The following FRMPD2 variants were observed in gnomAD, a reference collection of about 807,000 sequenced individuals.
FRMPD2 encodes the protein FERM and PDZ domain containing 2, also known as FERM and PDZ domain-containing protein 2.
Under a neutral mutation model 140.1 loss-of-function variants are expected in FRMPD2, and 96 were observed. The ratio of observed to expected loss-of-function variants is 0.69; its 90% CI spans 0.58 to 0.81. The LOEUF is 0.81. Among genes scored for constraint, FRMPD2 ranks in the 40% least tolerant of loss-of-function variants. The pLI is 0.00. For missense variants in FRMPD2, 1,240 were observed against 1,447.4 expected (o/e 0.86, Z 2.32); for synonymous variants, 449 against 547.6 (o/e 0.82, Z 2.52).
chr10:48,215,919 T>C (rs181384587), intron 12 of FRMPD2, among the ~76,000 whole-genome samples: 12 of 152,342 alleles, frequency 7.9e-5, no homozygotes, highest in Admixed American at 6.5e-4. Flanking sequence ...TTTTTGGACA[T>C]GACTGACAGT....
chr10:48,222,560 A>G, intron 11 of FRMPD2, 109 bp from the exon 12 acceptor site: 1 of 1,128,534 alleles, frequency 8.9e-7, no homozygotes, highest in Non-Finnish European at 1.3e-6. Context: ...GGAAGACGAG[A>G]TGCAACTCAA....
At chr10:48,274,709 GCAC>G, upstream of FRMPD2, 1 of 734,112 alleles carries the variant, frequency 1.4e-6, no homozygotes, top group Non-Finnish European at 2.4e-6. Context: ...TTGTCACTAA[GCAC>G]TTGCTGCCCA....
At chr10:48,271,885 G>A (rs946403975) in intron 1 of FRMPD2, among the ~76,000 whole-genome samples, 1 of 152,158 alleles carries the variant, frequency 6.6e-6, no homozygotes, top group Admixed American at 6.5e-5. Context: ...CTCTTTACTC[G>A]TTTATACCAT....
At chr10:48,236,023 C>G (rs1839958288) in intron 9 of FRMPD2, among the ~76,000 whole-genome samples, 1 of 152,224 alleles carries the variant, frequency 6.6e-6, no homozygotes, top group South Asian at 2.1e-4. Context: ...ACCTGCCATG[C>G]TCCATCCTCC....
chr10:48,251,534 T>G (rs1230220668), intron 2 of FRMPD2, 32 bp downstream of exon 2: 1 of 1,610,866 alleles, frequency 6.2e-7, no homozygotes, highest in Admixed American at 1.7e-5. Flanking sequence ...TACAACTCCC[T>G]GTGATTTGAC....
At chr10:48,198,591 GT>G (rs1047335531) in intron 15 of FRMPD2, among the ~76,000 whole-genome samples, 3 of 151,316 alleles carry the variant, frequency 2.0e-5, no homozygotes, top group Non-Finnish European at 2.9e-5. Flanking sequence ...TTTTAGAATA[GT>G]TTTTTTTTCT....
intron 10 of FRMPD2, among the ~76,000 whole-genome samples, chr10:48,227,269 CA>C (rs1450052339): frequency 6.6e-6 from 1 of 152,160 alleles, no homozygotes; most frequent in Non-Finnish European, 1.5e-5. Flanking sequence ...TGATTTACCA[CA>C]AGGATAAAAG....
At chr10:48,176,676 G>C (rs1554792215) in intron 22 of FRMPD2, among the ~76,000 whole-genome samples, 7 of 150,862 alleles carry the variant, frequency 4.6e-5, no homozygotes, top group African/African-American at 1.5e-4. Flanking sequence ...ATATATTTGT[G>C]AATAACCCAA....
chr10:48,218,300 T>G (rs948664504), intron 12 of FRMPD2, among the ~76,000 whole-genome samples: 5 of 152,236 alleles, frequency 3.3e-5, no homozygotes, highest in African/African-American at 1.2e-4. Context: ...AGACTCAGCC[T>G]ATAACATAAG....
intron 12 of FRMPD2, among the ~76,000 whole-genome samples, chr10:48,216,860 T>C (rs1307277173): frequency 6.6e-6 from 1 of 152,134 alleles, no homozygotes; most frequent in South Asian, 2.1e-4. Flanking sequence ...TAGAGCACCC[T>C]CCTCCCAGGA....
chr10:48,222,172 G>A (rs943675209), intron 12 of FRMPD2, 141 bp downstream of exon 12: 2 of 670,434 alleles, frequency 3.0e-6, no homozygotes, highest in Non-Finnish European at 4.9e-6. Context: ...ATGGATGGAT[G>A]GATAAATGTA....
intron 9 of FRMPD2, 121 bp downstream of exon 9, chr10:48,236,361 G>T: frequency 1.2e-6 from 1 of 812,672 alleles, no homozygotes; most frequent in Admixed American, 1.8e-5. Flanking sequence ...AGAGGTCTGG[G>T]GGAAACTGAA....
At chr10:48,188,345 TG>T (rs1362010751) in intron 16 of FRMPD2, among the ~76,000 whole-genome samples, 1 of 151,644 alleles carries the variant, frequency 6.6e-6, no homozygotes, top group Non-Finnish European at 1.5e-5. Flanking sequence ...ACAGGGGCGG[TG>T]GGGGGAGGAG....
chr10:48,239,710 T>A lies in FRMPD2; in HGVS notation c.701-18A>T. 1 of 1,599,706 alleles carries A rather than the reference T, an allele frequency of 6.3e-7. No individual in the cohort carries two copies. The highest frequency in any genetic ancestry group is 8.6e-7 in the Non-Finnish European group (1 of 1,167,472). On this transcript the variant is annotated intron_variant, in intron 6 of 28. Coordinates refer to ENST00000374201, the MANE Select transcript of FRMPD2 (RefSeq NM_001018071.4). ...TTCTGAAACTAATCAAGCAGCATGGTAGAGGGTATGGGCAGAAGCCAAGAT... is the reference window on the plus strand; with the variant it reads ...TTCTGAAACTAATCAAGCAGCATGGAAGAGGGTATGGGCAGAAGCCAAGAT...
Position 48,198,630 on chromosome 10 carries a change from T to G in FRMPD2, c.1954+2598A>C, listed in dbSNP as rs946586036. 2.0e-5 allele frequency among the ~76,000 whole-genome samples: 3 copies of G among 152,350 alleles called. 1 individual carries two copies. Among genetic ancestry groups the G allele is most frequent in the Non-Finnish European group, 2.9e-5 (2 of 68,042 alleles). ...TTCTGTGAAGAATGACATTGGTAGTTTGATAGGAATAGCATTGAATCTGTA... is the reference window on the plus strand; with the variant it reads ...TTCTGTGAAGAATGACATTGGTAGTGTGATAGGAATAGCATTGAATCTGTA... On this transcript the variant is annotated intron_variant, in intron 15 of 28. Transcript: ENST00000374201.
At chr10:48,174,787 C>T (rs561680035) in intron 24 of FRMPD2, 83 bp downstream of exon 24, 9,429 of 907,054 alleles carry the variant, frequency 0.01, 85 homozygotes, top group Non-Finnish European at 0.014. Flanking sequence ...TGCCTCCCTC[C>T]CACCCAGAGG....
intron 13 of FRMPD2, 84 bp downstream of exon 13, chr10:48,211,870 G>T: frequency 1.5e-6 from 2 of 1,362,042 alleles, no homozygotes; most frequent in Non-Finnish European, 2.0e-6. Context: ...CACACACCTG[G>T]GCCCCTTGAG....
At chr10:48,259,276 A>C (rs944734621) in intron 1 of FRMPD2, among the ~76,000 whole-genome samples, 1 of 152,218 alleles carries the variant, frequency 6.6e-6, no homozygotes, top group Non-Finnish European at 1.5e-5. Context: ...AAAAATAAAA[A>C]GGCAAAAACG....
chr10:48,205,333 T>A (rs1839179087), intron 14 of FRMPD2, among the ~76,000 whole-genome samples: 1 of 152,210 alleles, frequency 6.6e-6, no homozygotes, highest in Admixed American at 6.5e-5. Context: ...AATCAACTAA[T>A]TTAATCAAGA....
Sources: gnomAD v4.1 joint callset for allele counts (sites outside exome capture counted in the v4.1 genomes callset) on GRCh38, gnomAD v4.1.1 for gene constraint, MANE v1.5 for transcripts, NCBI Gene and HGNC (gene_info 2026-07-23, HGNC 2026-07-21) for gene names.